PARD3: variants seen among roughly 807,000 people sequenced by gnomAD.
PARD3 encodes partitioning defective 3 homolog.
PARD3 carries 75 observed loss-of-function variants against 155.4 expected under a neutral mutation model. That is an observed-to-expected ratio of 0.48 (90% CI 0.40 to 0.58). The LOEUF is 0.58. Among genes scored for constraint, PARD3 ranks in the 20% least tolerant of loss-of-function variants. PARD3 has a pLI of 0.00. For missense variants in PARD3, 1,642 were observed against 1,721.7 expected (o/e 0.95, Z 0.82); for synonymous variants, 576 against 610.5 (o/e 0.94, Z 0.83).
chr10:34,469,303 G>T (rs2078202777), intron 4 of PARD3, among the ~76,000 whole-genome samples: 1 of 152,130 alleles, frequency 6.6e-6, no homozygotes, highest in South Asian at 2.1e-4. Context: ...TGGAGATGGG[G>T]TTTTGCTATG....
At chr10:34,227,883 T>TATATATATATATATATATACAC in intron 22 of PARD3, among the ~76,000 whole-genome samples, 1 of 130,442 alleles carries the variant, frequency 7.7e-6, no homozygotes, top group African/African-American at 2.9e-5. Flanking sequence ...TATATATATA[T>TATATATATATATATATATACAC]ACTGGGAATA....
intron 22 of PARD3, among the ~76,000 whole-genome samples, chr10:34,237,058 A>G (rs1410542489): frequency 2.0e-5 from 3 of 152,218 alleles, no homozygotes; most frequent in Non-Finnish European, 2.9e-5. Flanking sequence ...TTTACAGCTA[A>G]TACAAAACCT....
intron 22 of PARD3, among the ~76,000 whole-genome samples, chr10:34,245,687 T>C (rs1437397085): frequency 6.6e-6 from 1 of 151,994 alleles, no homozygotes; most frequent in African/African-American, 2.4e-5. Flanking sequence ...CGGAACTAGG[T>C]ATGAGGGCTA....
At chr10:34,385,582 A>G (rs1171773753) in intron 7 of PARD3, among the ~76,000 whole-genome samples, 1 of 152,160 alleles carries the variant, frequency 6.6e-6, no homozygotes, top group Non-Finnish European at 1.5e-5. Flanking sequence ...ATCCAGTATA[A>G]ATTAAAATTG....
At chr10:34,189,333 A>G (rs971931869) in intron 22 of PARD3, among the ~76,000 whole-genome samples, 2 of 152,222 alleles carry the variant, frequency 1.3e-5, no homozygotes, top group African/African-American at 4.8e-5. Flanking sequence ...CTACATTACA[A>G]AAATAAAAAT....
At chr10:34,563,525 CCTG>C (rs1439302579) in intron 2 of PARD3, among the ~76,000 whole-genome samples, 5 of 123,180 alleles carry the variant, frequency 4.1e-5, no homozygotes, top group Non-Finnish European at 6.4e-5. Context: ...CGCCACCACG[CCTG>C]CTAATTTTTT....
intron 2 of PARD3, among the ~76,000 whole-genome samples, chr10:34,641,837 G>A (rs1010207652): frequency 3.9e-5 from 6 of 152,186 alleles, no homozygotes; most frequent in African/African-American, 1.2e-4. Flanking sequence ...TGTCCTGCAC[G>A]TGAAATACAG....
intron 1 of PARD3, among the ~76,000 whole-genome samples, chr10:34,739,216 G>A (rs1446249468): frequency 6.6e-6 from 1 of 152,176 alleles, no homozygotes; most frequent in Non-Finnish European, 1.5e-5. Flanking sequence ...AATAAATTCT[G>A]AAGTTTAGTT....
chr10:34,621,279 C>T (rs895350166), intron 2 of PARD3, among the ~76,000 whole-genome samples: 6 of 152,090 alleles, frequency 3.9e-5, no homozygotes, highest in Non-Finnish European at 8.8e-5. Flanking sequence ...CTCACTGAAA[C>T]TCCACCTCCC....
At chr10:34,146,492 A>G (rs1293095617) in intron 22 of PARD3, among the ~76,000 whole-genome samples, 1 of 152,156 alleles carries the variant, frequency 6.6e-6, no homozygotes, top group African/African-American at 2.4e-5. Flanking sequence ...AAATACAAAT[A>G]CTGTTTTAAA....
chr10:34,557,749 C>T (rs960126087), intron 2 of PARD3, among the ~76,000 whole-genome samples: 5 of 151,932 alleles, frequency 3.3e-5, no homozygotes, highest in Admixed American at 3.3e-4. Context: ...TGAGCCACTG[C>T]ACCCGGCCTC....
intron 3 of PARD3, among the ~76,000 whole-genome samples, chr10:34,511,422 ACT>A (rs2081391915): frequency 6.6e-6 from 1 of 152,046 alleles, no homozygotes; most frequent in Admixed American, 6.5e-5. Flanking sequence ...ACAGAAATGT[ACT>A]CTCTCACAGT....
chr10:34,157,752 C>T (rs1331570736), intron 22 of PARD3, among the ~76,000 whole-genome samples: 2 of 152,156 alleles, frequency 1.3e-5, no homozygotes, highest in Non-Finnish European at 2.9e-5. Context: ...AAATGAAGCA[C>T]TTGTTTTTCA....
At chr10:34,142,224 C>T (rs1948224970) in intron 22 of PARD3, among the ~76,000 whole-genome samples, 1 of 152,034 alleles carries the variant, frequency 6.6e-6, no homozygotes, top group Non-Finnish European at 1.5e-5. Context: ...TCGGGGTATA[C>T]CTATGAATTT....
intron 1 of PARD3, among the ~76,000 whole-genome samples, chr10:34,764,169 A>T (rs1837801798): frequency 6.6e-6 from 1 of 152,216 alleles, no homozygotes; most frequent in African/African-American, 2.4e-5. Context: ...ATTCTCAAGA[A>T]ACCCAATAGA....
At chr10:34,633,867 GCTATTCT>G (rs2092371368) in intron 2 of PARD3, among the ~76,000 whole-genome samples, 1 of 152,164 alleles carries the variant, frequency 6.6e-6, no homozygotes, top group Non-Finnish European at 1.5e-5. Context: ...CTGGATAACA[GCTATTCT>G]AACAAGAGGG....
intron 22 of PARD3, among the ~76,000 whole-genome samples, chr10:34,257,968 A>T (rs1324174675): frequency 6.6e-6 from 1 of 152,202 alleles, no homozygotes; most frequent in Non-Finnish European, 1.5e-5. Flanking sequence ...ACTCACCAAA[A>T]TTTAACATTT....
intron 1 of PARD3, among the ~76,000 whole-genome samples, chr10:34,713,841 T>G: frequency 6.6e-6 from 1 of 151,956 alleles, no homozygotes; most frequent in Non-Finnish European, 1.5e-5. Flanking sequence ...CAGGCAGAGA[T>G]CTCCTGCCTC....
chr10:34,729,041 C>G (rs926978792), intron 1 of PARD3, among the ~76,000 whole-genome samples: 5 of 152,256 alleles, frequency 3.3e-5, no homozygotes, highest in African/African-American at 9.6e-5. Context: ...GGTTTGCAGT[C>G]CAGGAGCAAC....
Sources: allele counts gnomAD v4.1 joint callset (sites outside exome capture counted in the v4.1 genomes callset), GRCh38; gene constraint gnomAD v4.1.1; transcripts MANE v1.5; gene names NCBI Gene and HGNC (gene_info 2026-07-23, HGNC 2026-07-21).